TSHZ3: variants seen among roughly 807,000 people sequenced by gnomAD.
TSHZ3 encodes the protein teashirt zinc finger homeobox 3.
In TSHZ3, 10 loss-of-function variants were observed where a neutral mutation model predicts 64.5. The observed-to-expected ratio is 0.16, with a 90% CI of 0.10 to 0.26. The LOEUF is 0.26. Ranked by LOEUF, TSHZ3 falls within the 10% of genes least tolerant of loss-of-function variation. The pLI is 1.00. For synonymous variants in TSHZ3, 608 were observed against 593.1 expected (o/e 1.03, Z -0.36); for missense variants, 1,242 against 1,421.7 (o/e 0.87, Z 2.03).
At chr19:31,328,636 G>C (rs1474217443) in intron 1 of TSHZ3, among the ~76,000 whole-genome samples, 1 of 152,234 alleles carries the variant, frequency 6.6e-6, no homozygotes, top group Admixed American at 6.5e-5. Context: ...CTTTAGTAGA[G>C]AGTGTCTCTC....
chr19:31,350,595 T>A (rs1253712367), upstream of TSHZ3, among the ~76,000 whole-genome samples: 1 of 150,936 alleles, frequency 6.6e-6, no homozygotes, highest in Non-Finnish European at 1.5e-5. Flanking sequence ...GCTGCTGGAC[T>A]AGAGGGATTG....
At chr19:31,272,781 C>T (rs1250248705), downstream of TSHZ3, among the ~76,000 whole-genome samples, 7 of 152,246 alleles carry the variant, frequency 4.6e-5, no homozygotes, top group African/African-American at 1.4e-4. Context: ...TAAGATACTG[C>T]GTACATGTGA....
At position 31,278,169 on chromosome 19, in the gene TSHZ3, G is replaced by T. The variant is rs747557489; in HGVS notation, c.1624C>A (p.Pro542Thr). Reference sequence around the variant, plus strand: ...ATGCTGGGATAGCCCCCCCAGCTAGGAGTGCCGTTCTGGGCCTTGTTGATT... The same window carrying T: ...ATGCTGGGATAGCCCCCCCAGCTAGTAGTGCCGTTCTGGGCCTTGTTGATT... The part of the protein sequence containing the change: ...SAINKAQNGT[P>T]SWGGYPSIHA... The change falls in exon 2 of 2, where the codon CCT becomes ACT. Residue 542 changes from proline to threonine, a missense_variant. This residue lies in a region of TSHZ3 where 550 missense variants were observed against 545.1 expected (regional missense o/e 1.01). Coordinates refer to ENST00000240587, the MANE Select transcript of TSHZ3 (RefSeq NM_020856.4). The surrounding 1 kb of genome is among the most constrained non-coding windows in gnomAD (Gnocchi z 4.7). 1.2e-6 allele frequency: 2 copies of T among 1,614,208 alleles called. No individual in the cohort carries two copies. The highest frequency in any genetic ancestry group is 3.3e-5 in the Admixed American group (2 of 60,028).
At chr19:31,195,741 T>G (rs1383101354) in intron 5 of TSHZ3, 1 of 152,056 alleles carries the variant, frequency 6.6e-6, no homozygotes, top group South Asian at 2.1e-4. Flanking sequence ...AACAAATACA[T>G]TTATTCAAAA....
chr19:31,166,618 AC>A, intron 5 of TSHZ3, among the ~76,000 whole-genome samples: 1 of 152,168 alleles, frequency 6.6e-6, no homozygotes, highest in African/African-American at 2.4e-5. Context: ...AATGAACATG[AC>A]CCTTTGGTGA....
rs369438297 is a variant in TSHZ3 at position 31,278,611 on chromosome 19, C to T, written c.1182G>A (p.Ser394=). The change falls in exon 2 of 2, where the codon TCG becomes TCA. Residue 394 remains serine (S), a synonymous_variant. Transcript: ENST00000240587. This position sits in a 1 kb window ranked among gnomAD's most constrained non-coding sequence, Gnocchi z 4.7. ...QILKCMECGS[S]HDTLQELTAH... ...CAGTGAGCTCCTGCAGGGTGTCATG[C>T]GAGCTCCCACACTCCATGCACTTCA... 1.5e-5 allele frequency: 24 copies of T among 1,613,992 alleles called. No individual in the cohort carries two copies. The highest frequency in any genetic ancestry group is 2.7e-5 in the African/African-American group (2 of 74,908).
chr19:31,258,224 G>A (rs1157535119), intron 1 of TSHZ3, among the ~76,000 whole-genome samples: 7 of 152,180 alleles, frequency 4.6e-5, no homozygotes, highest in African/African-American at 1.4e-4. Context: ...CAGCTCCCAA[G>A]GGTATAAGCT....
At position 31,277,494 on chromosome 19, in the gene TSHZ3, G is replaced by A; in HGVS notation, c.2299C>T (p.Pro767Ser). 1 of 1,609,386 alleles carries A rather than the reference G, an allele frequency of 6.2e-7. No homozygotes were observed. Among genetic ancestry groups the A allele is most frequent in the Non-Finnish European group, 8.5e-7 (1 of 1,176,710 alleles). Residue 767 changes from proline to serine, a missense_variant, in exon 2 of 2, where the codon CCG (proline) becomes TCG (serine). This residue lies in a region of TSHZ3 where 550 missense variants were observed against 545.1 expected (regional missense o/e 1.01). Transcript: ENST00000240587. This position sits in a 1 kb window ranked among gnomAD's most constrained non-coding sequence, Gnocchi z 4.5. ...TCTGCCTTCTTGGACTGCAGGGGCG[G>A]CGGGGTGGCCACAGCAGCCTTCTCC... The part of the protein sequence containing the change: ...LAEKAAVATP[P>S]PLQSKKADHL...
chr19:31,276,624 T>C lies in TSHZ3; in HGVS notation c.3169A>G (p.Lys1057Glu). The change falls in exon 2 of 2, where the codon AAA becomes GAA. Residue 1057 changes from lysine (K) to glutamate (E), a missense_variant. This residue lies in a region of TSHZ3 where 126 missense variants were observed against 140.6 expected (regional missense o/e 0.90). Transcript: ENST00000240587. ...CCGTGTGTTTTGCTAAGGTGAAGTT[T>C]AACAGCGTGCTTGCTGGCAAAGGTC... ...NRTFASKHAV[K>E]LHLSKTHGKS... The C allele has an allele frequency of 6.2e-7, 1 of 1,610,414 alleles. No homozygotes were observed. Among genetic ancestry groups the C allele is most frequent in the Non-Finnish European group, 8.5e-7 (1 of 1,177,088 alleles).
intron 5 of TSHZ3, among the ~76,000 whole-genome samples, chr19:31,172,920 A>G (rs1974556122): frequency 6.6e-6 from 1 of 152,190 alleles, no homozygotes; most frequent in Non-Finnish European, 1.5e-5. Context: ...GTGGGAATAC[A>G]AGGAGGGAGT....
chr19:31,280,672 T>C (rs1262864060), intron 1 of TSHZ3, among the ~76,000 whole-genome samples: 1 of 152,224 alleles, frequency 6.6e-6, no homozygotes, highest in East Asian at 1.9e-4. Flanking sequence ...ATTTACTCAG[T>C]ATAAGCTTCA....
At chr19:31,205,301 A>G (rs926661405) in intron 4 of TSHZ3, among the ~76,000 whole-genome samples, 2 of 152,178 alleles carry the variant, frequency 1.3e-5, no homozygotes, top group African/African-American at 4.8e-5. Context: ...GTGAAAACCA[A>G]GGTGGAACAT....
chr19:31,338,581 C>CTTTTTTTTTTT (rs34643581), intron 1 of TSHZ3, among the ~76,000 whole-genome samples: 17 of 119,066 alleles, frequency 1.4e-4, no homozygotes, highest in Admixed American at 2.6e-4. Flanking sequence ...TTTTTTTTTT[C>CTTTTTTTTTTT]TTTTTTTTTT....
In TSHZ3 at chr19:31,349,332, C is replaced by T; in HGVS notation, c.-113G>A. ...GGCGAGGCGGGCCTGCTCTCAGCCT[C>T]CCCCCCGGAGAGCGGCCGCCCGCAG... On this transcript the variant is annotated 5_prime_UTR_variant, in exon 1 of 2. Coordinates refer to ENST00000240587, the MANE Select transcript of TSHZ3 (RefSeq NM_020856.4). The T allele has an allele frequency of 9.5e-7, 1 of 1,048,752 alleles. No individual in the cohort carries two copies. 65.0% of individuals were successfully genotyped at this position (1,048,752 alleles called of 1,614,324 possible).
downstream of TSHZ3, among the ~76,000 whole-genome samples, chr19:31,272,059 T>C (rs1181398392): frequency 6.6e-6 from 1 of 152,102 alleles, no homozygotes; most frequent in African/African-American, 2.4e-5. Flanking sequence ...AAAAAAATCA[T>C]TGGATTTATT....
chr19:31,345,115 C>G (rs1917548689), intron 1 of TSHZ3, among the ~76,000 whole-genome samples: 3 of 152,198 alleles, frequency 2.0e-5, no homozygotes. Flanking sequence ...TGCCTCCCAC[C>G]TCCTTTGTTT....
Position 31,276,975 on chromosome 19 carries a change from C to G in TSHZ3, c.2818G>C (p.Gly940Arg), listed in dbSNP as rs769460173. 1 of 1,613,740 alleles carries G rather than the reference C, an allele frequency of 6.2e-7. No individual in the cohort carries two copies. Among genetic ancestry groups the G allele is most frequent in the South Asian group, 1.1e-5 (1 of 91,058 alleles). The change falls in exon 2 of 2, where the codon GGG becomes CGG. Residue 940 changes from glycine (G) to arginine (R), a missense_variant. Gly to Arg is a moderately radical substitution (Grantham distance 125). Transcript: ENST00000240587. ...TGGCTGATGGTGGTCATGGACAGCC[C>G]GGTGAACCTGGAGATATGCATCCGC... ...QERMHISRFT[G>R]LSMTTISHWL...
downstream of TSHZ3, among the ~76,000 whole-genome samples, chr19:31,273,084 A>G (rs1412853258): frequency 6.6e-6 from 1 of 152,146 alleles, no homozygotes; most frequent in Non-Finnish European, 1.5e-5. Context: ...GTTCTTCCGG[A>G]CAGTGGCCCA....
chr19:31,220,757 G>A (rs1374554959), intron 4 of TSHZ3, among the ~76,000 whole-genome samples: 3 of 152,102 alleles, frequency 2.0e-5, no homozygotes, highest in Non-Finnish European at 4.4e-5. Flanking sequence ...GGCTAACACC[G>A]AGTCACATGA....
Sources: gnomAD v4.1 joint callset for allele counts (sites outside exome capture counted in the v4.1 genomes callset) on GRCh38, gnomAD v4.1.1 for gene constraint, gnomAD v4.1.1 regional missense constraint, Gnocchi (gnomAD v3.1) non-coding constraint, MANE v1.5 for transcripts, NCBI Gene and HGNC (gene_info 2026-07-23, HGNC 2026-07-21) for gene names.